The following ANK3 variants were observed in gnomAD, a reference collection of about 807,000 sequenced individuals.
ANK3 encodes ankyrin-3.
In ANK3, 57 loss-of-function variants were observed where a neutral mutation model predicts 370.9. The ratio of observed to expected loss-of-function variants is 0.15; its 90% confidence interval spans 0.12 to 0.19. The LOEUF (loss-of-function observed/expected upper bound fraction) is 0.19. Among genes scored for constraint, ANK3 ranks in the 10% least tolerant of loss-of-function variants. ANK3 has a pLI of 1.00. For synonymous variants in ANK3, 1,929 were observed against 1,946.3 expected, an observed-to-expected ratio of 0.99 and a Z score of 0.23; for missense variants, 4,439 against 5,302.1, an observed-to-expected ratio of 0.84 and a Z score of 5.06.
chr10:60,287,611 A>T (rs1325573159), intron 1 of ANK3, among the ~76,000 whole-genome samples: 1 of 152,218 alleles, frequency 6.6e-6, no homozygotes, highest in East Asian at 1.9e-4. Flanking sequence ...TTTATTTCTT[A>T]AGTATTCAAT....
intron 23 of ANK3, among the ~76,000 whole-genome samples, chr10:60,148,411 CTA>C (rs1179801299): frequency 6.6e-6 from 1 of 152,184 alleles, no homozygotes; most frequent in Admixed American, 6.5e-5. Context: ...ACTTTAGAAA[CTA>C]TATCTAGCCT....
intron 1 of ANK3, among the ~76,000 whole-genome samples, chr10:60,362,863 G>A (rs1236519507): frequency 6.6e-6 from 1 of 152,118 alleles, no homozygotes; most frequent in Non-Finnish European, 1.5e-5. Context: ...TGGATTCACA[G>A]AGAAAAACTC....
At position 60,615,729 on chromosome 10, in the gene ANK3, G is replaced by C. The variant is rs566102895; in HGVS notation, c.58-505C>G. On this transcript the variant is annotated intron_variant, in intron 1 of 43. Coordinates refer to the ANK3 transcript ENST00000373827. Reference sequence around the variant, plus strand: ...ATATTGTTTACCAAGGGTCAGAATAGCAAGGCTTGTAAAGCCAAAAGTCTG... The same window carrying C: ...ATATTGTTTACCAAGGGTCAGAATACCAAGGCTTGTAAAGCCAAAAGTCTG... 2.7e-3 allele frequency among the ~76,000 whole-genome samples: 418 copies of C among 152,250 alleles called. 1 individual carries two copies. The highest frequency in any genetic ancestry group is 9.7e-3 in the African/African-American group (404 of 41,562).
chr10:60,327,936 G>T (rs1416450248), intron 1 of ANK3, among the ~76,000 whole-genome samples: 1 of 151,918 alleles, frequency 6.6e-6, no homozygotes, highest in East Asian at 1.9e-4. Flanking sequence ...TTTTAGAAAG[G>T]TGTGTGTGTG....
intron 2 of ANK3, chr10:60,573,088 C>T (rs934403356): frequency 2.6e-5 from 20 of 769,918 alleles, no homozygotes; most frequent in Middle Eastern, 1.3e-3. Context: ...CAGGGCATAC[C>T]GGAGGAGGCA....
intron 2 of ANK3, among the ~76,000 whole-genome samples, chr10:60,519,065 G>A (rs2076289617): frequency 6.6e-6 from 1 of 152,122 alleles, no homozygotes; most frequent in Non-Finnish European, 1.5e-5. Flanking sequence ...CACAGTAAGA[G>A]AATATTACCC....
At chr10:60,410,916 C>A (rs2063546557) in intron 2 of ANK3, among the ~76,000 whole-genome samples, 1 of 152,040 alleles carries the variant, frequency 6.6e-6, no homozygotes, top group African/African-American at 2.4e-5. Context: ...TCAGGCAATC[C>A]TCCTGTCTCT....
intron 2 of ANK3, among the ~76,000 whole-genome samples, chr10:60,477,405 A>G (rs2075095135): frequency 1.3e-5 from 2 of 152,072 alleles, no homozygotes; most frequent in South Asian, 4.1e-4. Flanking sequence ...CACAGAAATT[A>G]TATTTTTCTG....
At chr10:60,099,815 C>G (rs1022047605) in intron 28 of ANK3, among the ~76,000 whole-genome samples, 13 of 152,048 alleles carry the variant, frequency 8.5e-5, no homozygotes, top group Non-Finnish European at 1.8e-4. Flanking sequence ...ACTCCAAAAG[C>G]TTAGACCTGC....
Position 60,279,610 on chromosome 10 carries a change from T to C in ANK3, c.144A>G (p.Ala48=), listed in dbSNP as rs779755572. The C allele has an allele frequency of 1.4e-5, 22 of 1,610,916 alleles. No homozygotes were observed. In the South Asian group the frequency reaches 1.4e-4, roughly 11 times the overall value. ...KSDANASYLR[A]ARAGHLEKAL... ...CCTTTTCAAGGTGTCCAGCTCGAGC[T>C]GCTCTTAAGTAACTTGCATTGGCAT... is the stretch of plus-strand genomic sequence containing the variant. Residue 48 remains alanine, a synonymous_variant, in exon 2 of 44, where the codon GCA becomes GCG. Transcript: ENST00000280772.
chr10:60,321,516 G>GA (rs1312165130), intron 1 of ANK3, among the ~76,000 whole-genome samples: 1 of 152,176 alleles, frequency 6.6e-6, no homozygotes, highest in Non-Finnish European at 1.5e-5. Context: ...GACCCAAACG[G>GA]AAAAGAGTAT....
At chr10:60,251,103 G>C (rs2097657273) in intron 7 of ANK3, among the ~76,000 whole-genome samples, 1 of 152,172 alleles carries the variant, frequency 6.6e-6, no homozygotes, top group South Asian at 2.1e-4. Flanking sequence ...CACACCTCAT[G>C]AAATTATGAA....
intron 8 of ANK3, among the ~76,000 whole-genome samples, chr10:60,227,827 T>A (rs532959968): frequency 1.5e-4 from 23 of 152,344 alleles, no homozygotes; most frequent in African/African-American, 5.1e-4. Context: ...ATCTTAGTTA[T>A]TTTAAATTCA....
At chr10:60,583,936 T>C (rs1243420063) in intron 2 of ANK3, among the ~76,000 whole-genome samples, 4 of 152,138 alleles carry the variant, frequency 2.6e-5, no homozygotes, top group Admixed American at 6.5e-5. Flanking sequence ...TTTATGGTGA[T>C]GATATGTTAG....
chr10:60,262,397 A>G (rs2097820982), intron 6 of ANK3, among the ~76,000 whole-genome samples: 1 of 152,206 alleles, frequency 6.6e-6, no homozygotes, highest in South Asian at 2.1e-4. Flanking sequence ...TTTCATGACA[A>G]AAGCAGTTTT....
chr10:60,229,504 GAGAAAC>G (rs1385157015), intron 8 of ANK3, among the ~76,000 whole-genome samples: 3 of 152,124 alleles, frequency 2.0e-5, no homozygotes, highest in Non-Finnish European at 4.4e-5. Flanking sequence ...TATTTAACCT[GAGAAAC>G]AGAATCAGTT....
chr10:60,479,590 T>C (rs951685366), intron 2 of ANK3, among the ~76,000 whole-genome samples: 10 of 152,094 alleles, frequency 6.6e-5, no homozygotes, highest in African/African-American at 1.9e-4. Flanking sequence ...AATTACAGAA[T>C]TATATGTCAG....
At chr10:60,495,982 T>C (rs1361159396) in intron 2 of ANK3, among the ~76,000 whole-genome samples, 4 of 113,328 alleles carry the variant, frequency 3.5e-5, no homozygotes, top group South Asian at 3.1e-4. Context: ...TTCATTTTTC[T>C]TTTTTTTTTT....
intron 10 of ANK3, among the ~76,000 whole-genome samples, chr10:60,207,190 T>C (rs989796644): frequency 2.0e-5 from 3 of 152,160 alleles, no homozygotes; most frequent in Non-Finnish European, 4.4e-5. Flanking sequence ...GGAGAGTTTC[T>C]CTTTCGTCAT....
Sources: allele counts gnomAD v4.1 joint callset (sites outside exome capture counted in the v4.1 genomes callset), GRCh38; gene constraint gnomAD v4.1.1; transcripts MANE v1.5; gene names NCBI Gene and HGNC (gene_info 2026-07-23, HGNC 2026-07-21).